Variants in FOXP1 observed in about 807,000 individuals in gnomAD.
The protein encoded by FOXP1 is forkhead box P1.
FOXP1 carries 15 observed loss-of-function variants against 98.2 expected under a neutral mutation model. The ratio of observed to expected loss-of-function variants is 0.15; its 90% CI spans 0.10 to 0.24. The LOEUF (loss-of-function observed/expected upper bound fraction) is 0.24, where lower values mean the gene tolerates loss of function less well. Ranked by LOEUF, FOXP1 falls within the 10% of genes least tolerant of loss-of-function variation. The pLI is 1.00. For missense variants in FOXP1, 633 were observed against 848.5 expected (o/e 0.75, Z 3.15); for synonymous variants, 371 against 314.5 (o/e 1.18, Z -1.90).
At chr3:71,206,898 G>C (rs1398553998) in intron 5 of FOXP1, among the ~76,000 whole-genome samples, 1 of 152,158 alleles carries the variant, frequency 6.6e-6, no homozygotes, top group African/African-American at 2.4e-5. Context: ...GCAAACGAGG[G>C]AAGTTAGAAA....
chr3:71,467,711 AT>A (rs1459923870), intron 3 of FOXP1, among the ~76,000 whole-genome samples: 2 of 152,222 alleles, frequency 1.3e-5, no homozygotes, highest in Non-Finnish European at 2.9e-5. Flanking sequence ...TACTATGCTA[AT>A]CTTCTAAGTA....
chr3:71,233,976 G>A (rs1344188146), intron 5 of FOXP1, among the ~76,000 whole-genome samples: 1 of 152,062 alleles, frequency 6.6e-6, no homozygotes, highest in Non-Finnish European at 1.5e-5. Flanking sequence ...ATTATCTGGG[G>A]TGGGAGGGCT....
intron 3 of FOXP1, among the ~76,000 whole-genome samples, chr3:71,400,822 G>T (rs1478408775): frequency 6.6e-6 from 1 of 152,102 alleles, no homozygotes; most frequent in Non-Finnish European, 1.5e-5. Context: ...GTTAGATGTA[G>T]AACCCCCCTG....
chr3:70,982,677 A>G (rs1354745431), intron 14 of FOXP1, among the ~76,000 whole-genome samples: 3 of 149,316 alleles, frequency 2.0e-5, no homozygotes, highest in Admixed American at 6.7e-5. Flanking sequence ...TTGGCTACCC[A>G]CTATTCTGCT....
At chr3:70,999,175 T>C (rs1266621794) in intron 13 of FOXP1, among the ~76,000 whole-genome samples, 1 of 152,100 alleles carries the variant, frequency 6.6e-6, no homozygotes, top group Non-Finnish European at 1.5e-5. Context: ...CTGCAACCTC[T>C]ACCTCCCGGG....
At chr3:71,266,220 A>C (rs984263429) in intron 5 of FOXP1, among the ~76,000 whole-genome samples, 2 of 151,984 alleles carry the variant, frequency 1.3e-5, no homozygotes, top group Admixed American at 6.5e-5. Flanking sequence ...AAGGGCCATA[A>C]TTTTGGACTT....
intron 5 of FOXP1, among the ~76,000 whole-genome samples, chr3:71,242,178 G>GT (rs2067337916): frequency 6.6e-6 from 1 of 152,154 alleles, no homozygotes; most frequent in African/African-American, 2.4e-5. Context: ...GACATGTTCG[G>GT]TAACATGCTA....
chr3:71,193,216 C>T (rs113745555), intron 6 of FOXP1, among the ~76,000 whole-genome samples: 15,185 of 105,404 alleles, frequency 0.14, 1,773 homozygotes, highest in African/African-American at 0.26. Flanking sequence ...GGTGGGATCT[C>T]GGCTCACTGC....
intron 2 of FOXP1, among the ~76,000 whole-genome samples, chr3:71,536,574 T>C (rs1005720873): frequency 1.5e-5 from 1 of 65,120 alleles, no homozygotes; most frequent in Admixed American, 1.2e-4. Context: ...ACCATGTCTC[T>C]TTTTTTTTTT....
chr3:71,230,024 T>C (rs762437546), intron 5 of FOXP1, among the ~76,000 whole-genome samples: 47 of 150,576 alleles, frequency 3.1e-4, no homozygotes, highest in Non-Finnish European at 5.6e-4. Context: ...CTACTCACAA[T>C]TAGAGCTCCT....
At chr3:71,057,178 A>G (rs1008281258) in intron 7 of FOXP1, among the ~76,000 whole-genome samples, 1 of 152,196 alleles carries the variant, frequency 6.6e-6, no homozygotes, top group Non-Finnish European at 1.5e-5. Flanking sequence ...TTTGATTCAT[A>G]AAATCTAGCC....
At chr3:71,166,786 AAAAC>A (rs1471997885) in intron 6 of FOXP1, among the ~76,000 whole-genome samples, 1 of 152,200 alleles carries the variant, frequency 6.6e-6, no homozygotes, top group Non-Finnish European at 1.5e-5. Flanking sequence ...TTTTCTTAAA[AAAAC>A]AAAAAGCAAA....
chr3:71,308,767 G>A (rs959240584), intron 4 of FOXP1, among the ~76,000 whole-genome samples: 9 of 102,780 alleles, frequency 8.8e-5, no homozygotes, highest in African/African-American at 3.1e-4. Context: ...GTGTGTGTGT[G>A]TGTGTGTGTG....
Position 71,476,234 on chromosome 3 carries a change from A to C in FOXP1, c.-168+17192T>G, listed in dbSNP as rs146613831. ...GGATGTGTTGTGTTTATAGTGGATGAAAGGAATTAATTTAGAAAGAAATCT... is the reference window on the plus strand; with the variant it reads ...GGATGTGTTGTGTTTATAGTGGATGCAAGGAATTAATTTAGAAAGAAATCT... On this transcript the variant is annotated intron_variant, in intron 3 of 20. Transcript: ENST00000649528. 4.5e-3 allele frequency among the ~76,000 whole-genome samples: 683 copies of C among 152,338 alleles called. 6 individuals are homozygous for C. Among genetic ancestry groups the C allele is most frequent in the African/African-American group, 0.016 (658 of 41,584 alleles).
At chr3:71,538,708 T>C (rs375583226) in intron 2 of FOXP1, among the ~76,000 whole-genome samples, 4 of 152,334 alleles carry the variant, frequency 2.6e-5, no homozygotes, top group South Asian at 4.1e-4. Context: ...AGTTTATCTA[T>C]TTGTTCTTTG....
intron 3 of FOXP1, among the ~76,000 whole-genome samples, chr3:71,401,732 T>TA (rs1560432325): frequency 6.6e-6 from 1 of 152,034 alleles, no homozygotes; most frequent in Non-Finnish European, 1.5e-5. Flanking sequence ...CTTCCTTCGC[T>TA]AAATCTTGTT....
In FOXP1 at chr3:70,974,496, G is replaced by C. The variant is rs540555665; in HGVS notation, c.1531-1820C>G. On this transcript the variant is annotated intron_variant, in intron 17 of 20. Coordinates refer to ENST00000649528, the MANE Select transcript of FOXP1 (RefSeq NM_001349338.3). ...AAATTTTTTGTAGAGATGGGGTCTT[G>C]CTATGTTGCCCAGGCTGATCTTGAA... 2.6e-5 allele frequency among the ~76,000 whole-genome samples: 4 copies of C among 152,076 alleles called. No individual in the cohort carries two copies. In the South Asian group the frequency reaches 6.2e-4, roughly 24 times the overall value.
chr3:71,234,874 G>C (rs184517017), intron 5 of FOXP1, among the ~76,000 whole-genome samples: 19 of 152,324 alleles, frequency 1.2e-4, no homozygotes, highest in African/African-American at 4.3e-4. Flanking sequence ...CTTCAGGGCA[G>C]AACAGGGCAG....
At chr3:71,331,147 C>T (rs1041913872) in intron 4 of FOXP1, among the ~76,000 whole-genome samples, 4 of 152,196 alleles carry the variant, frequency 2.6e-5, no homozygotes, top group South Asian at 2.1e-4. Context: ...GAGGTGTGGG[C>T]GGGAACTGGG....
Sources: gnomAD v4.1 joint callset for allele counts (sites outside exome capture counted in the v4.1 genomes callset) on GRCh38, gnomAD v4.1.1 for gene constraint, MANE v1.5 for transcripts, NCBI Gene and HGNC (gene_info 2026-07-23, HGNC 2026-07-21) for gene names.